MYO3A: variants seen among roughly 807,000 people sequenced by gnomAD.
MYO3A encodes myosin IIIA.
A neutral mutation model predicts 192.7 loss-of-function variants in MYO3A; 180 were observed. The ratio of observed to expected loss-of-function variants is 0.93; its 90% CI spans 0.83 to 1.06. The LOEUF (loss-of-function observed/expected upper bound fraction) is 1.06. Ranked by LOEUF, MYO3A falls within the 50% of genes least tolerant of loss-of-function variation. The probability of loss-of-function intolerance (pLI) is 0.00; values close to 1 mark genes in which losing one functional copy is unlikely to be tolerated. For missense variants in MYO3A, 1,896 were observed against 1,905.0 expected, an observed-to-expected ratio of 1.00 and a Z score of 0.09; for synonymous variants, 628 against 645.3, an observed-to-expected ratio of 0.97 and a Z score of 0.41.
intron 4 of MYO3A, among the ~76,000 whole-genome samples, chr10:25,963,358 C>G (rs533471236): frequency 6.6e-6 from 1 of 152,210 alleles, no homozygotes; most frequent in East Asian, 1.9e-4. Context: ...TTTATACTTA[C>G]ATCTAGTTAG....
At chr10:26,176,630 A>C (rs1397088710) in intron 30 of MYO3A, 71 bp from the exon 31 acceptor site, 68 of 1,440,570 alleles carry the variant, frequency 4.7e-5, no homozygotes, top group Non-Finnish European at 6.5e-5. Flanking sequence ...GGCGTTTCCC[A>C]GCCCCCGGTG....
chr10:26,154,118 T>C (rs529493579), intron 24 of MYO3A, among the ~76,000 whole-genome samples, 189 bp downstream of exon 24: 2 of 152,352 alleles, frequency 1.3e-5, no homozygotes, highest in South Asian at 2.1e-4. Flanking sequence ...CATGCATTTC[T>C]GATATATTAA....
At chr10:26,155,923 T>C (rs1405762498) in intron 25 of MYO3A, among the ~76,000 whole-genome samples, 1 of 152,242 alleles carries the variant, frequency 6.6e-6, no homozygotes, top group Non-Finnish European at 1.5e-5. Context: ...ATCTTTTTAA[T>C]CTTCAGGCTG....
chr10:26,144,501 A>G (rs906926354), intron 21 of MYO3A, among the ~76,000 whole-genome samples: 2 of 151,890 alleles, frequency 1.3e-5, no homozygotes, highest in African/African-American at 4.8e-5. Flanking sequence ...AAATCATTTC[A>G]TAGCAGTCAG....
At chr10:26,043,965 A>G (rs1298977797) in intron 10 of MYO3A, among the ~76,000 whole-genome samples, 1 of 152,192 alleles carries the variant, frequency 6.6e-6, no homozygotes, top group Admixed American at 6.5e-5. Flanking sequence ...CCCAAGGCCC[A>G]TGGTGTACTA....
At chr10:26,034,162 C>A (rs1439060735) in intron 10 of MYO3A, among the ~76,000 whole-genome samples, 1 of 152,204 alleles carries the variant, frequency 6.6e-6, no homozygotes, top group East Asian at 1.9e-4. Flanking sequence ...TGCTTGTTCC[C>A]AGTATGACCA....
At chr10:26,148,103 A>G (rs985522923) in intron 23 of MYO3A, among the ~76,000 whole-genome samples, 3 of 152,240 alleles carry the variant, frequency 2.0e-5, no homozygotes, top group African/African-American at 7.2e-5. Context: ...ACATATTTAA[A>G]CAGTAAAATT....
chr10:26,068,935 C>G (rs1835024986), intron 12 of MYO3A, 51 bp downstream of exon 12: 2 of 1,174,826 alleles, frequency 1.7e-6, no homozygotes, highest in Non-Finnish European at 2.5e-6. Flanking sequence ...ATTATACATT[C>G]AGATACTTAA....
At position 26,128,448 on chromosome 10, in the gene MYO3A, CA is replaced by C. The variant is rs769462859; in HGVS notation, c.2180del (p.Asn727IlefsTer32). The C allele has an allele frequency of 1.6e-5, 26 of 1,611,676 alleles. No homozygotes were observed. Among genetic ancestry groups the C allele is most frequent in the Non-Finnish European group, 1.7e-5 (20 of 1,178,532 alleles). ...TTGATATATTTGGCTTTGAAAATTT[CA>C]AAAAAAATTCCTTCGAGCAGCTGTG... ...ILDIFGFENF[K>X]KNSFEQLCIN... On this transcript the variant is annotated frameshift_variant, in exon 20 of 35. Transcript: ENST00000642920. LOFTEE classifies it high-confidence loss of function.
intron 5 of MYO3A, 70 bp from the exon 6 acceptor site, chr10:25,997,089 G>A (rs1249914507): frequency 6.8e-6 from 8 of 1,171,004 alleles, no homozygotes; most frequent in African/African-American, 6.1e-5. Flanking sequence ...TTTTGTACAG[G>A]TACATCATCT....
intron 20 of MYO3A, among the ~76,000 whole-genome samples, chr10:26,140,205 GTCT>G (rs1840069962): frequency 6.6e-6 from 1 of 152,190 alleles, no homozygotes; most frequent in Non-Finnish European, 1.5e-5. Flanking sequence ...CTTGCAGCCT[GTCT>G]CAGCCCATGG....
Position 25,997,139 on chromosome 10 carries a change from A to C in MYO3A, c.409-20A>C. 6.9e-7 allele frequency: 1 copy of C among 1,446,182 alleles called. No individual in the cohort carries two copies. Among genetic ancestry groups the C allele is most frequent in the Non-Finnish European group, 9.6e-7 (1 of 1,043,898 alleles). The allele number at this position is 1,446,182 out of a possible 1,614,324, so 89.6% of individuals were successfully genotyped here. On this transcript the variant is annotated intron_variant, in intron 5 of 34. Coordinates refer to ENST00000642920, the MANE Select transcript of MYO3A (RefSeq NM_017433.5). ...TTTGATGCTTTTGTTAAGAGTCATT[A>C]TATATTTCTTATCTTCTAGGGACTT...
chr10:26,078,130 C>CTTTTTTTTTTTTTTTTTT (rs57336459), intron 14 of MYO3A, among the ~76,000 whole-genome samples: 10 of 122,304 alleles, frequency 8.2e-5, no homozygotes, highest in Middle Eastern at 4.1e-3. Context: ...TGGTCCTGGA[C>CTTTTTTTTTTTTTTTTTT]TTTTTTTTTT....
chr10:26,167,048 G>A (rs1413939304), intron 27 of MYO3A, among the ~76,000 whole-genome samples: 5 of 152,160 alleles, frequency 3.3e-5, no homozygotes, highest in African/African-American at 7.2e-5. Flanking sequence ...ATTGTGCACT[G>A]AATATATCTT....
At chr10:26,045,140 C>T (rs758595922) in intron 10 of MYO3A, among the ~76,000 whole-genome samples, 12 of 152,192 alleles carry the variant, frequency 7.9e-5, no homozygotes, top group Admixed American at 2.6e-4. Flanking sequence ...TGCCAGCCAC[C>T]ATCTGCCCAG....
intron 29 of MYO3A, among the ~76,000 whole-genome samples, chr10:26,171,265 G>T (rs1039425618): frequency 6.6e-6 from 1 of 152,176 alleles, no homozygotes; most frequent in Non-Finnish European, 1.5e-5. Flanking sequence ...GTCATCCAGA[G>T]AGATAAAGAT....
chr10:26,195,789 C>A (rs376282618), intron 32 of MYO3A, among the ~76,000 whole-genome samples: 3 of 152,336 alleles, frequency 2.0e-5, no homozygotes, highest in East Asian at 1.9e-4. Context: ...CTTCTTGTCA[C>A]TCCCAAATCC....
chr10:26,181,119 A>G (rs1405457714), intron 31 of MYO3A, among the ~76,000 whole-genome samples: 1 of 152,190 alleles, frequency 6.6e-6, no homozygotes, highest in East Asian at 1.9e-4. Context: ...TTACAAAAAG[A>G]TACATACGAA....
rs1289239862 is a variant in MYO3A at position 26,193,449 on chromosome 10, C to T, written c.4545+138C>T. 4 of 711,040 alleles carry T rather than the reference C, an allele frequency of 5.6e-6. No homozygotes were observed. The Admixed American group carries it at 6.9e-5, about 12-fold the overall frequency. 44.0% of individuals were successfully genotyped at this position (711,040 alleles called of 1,614,324 possible). A position where few individuals can be genotyped will look rare whatever the true frequency, so the allele number is the denominator to read the frequency against. On this transcript the variant is annotated intron_variant, in intron 32 of 34. Transcript: ENST00000642920. ...TGCGCTTGGTCTCCTCTTCACTGCC[C>T]TCCCCTGGCTGGGGATCTGGGCACT... is the stretch of plus-strand genomic sequence containing the variant.
Sources: allele counts gnomAD v4.1 joint callset (sites outside exome capture counted in the v4.1 genomes callset), GRCh38; gene constraint gnomAD v4.1.1; transcripts MANE v1.5; gene names NCBI Gene and HGNC (gene_info 2026-07-23, HGNC 2026-07-21).